The following TRPC7 variants were observed in gnomAD, a reference collection of about 807,000 sequenced individuals.
The protein encoded by TRPC7 is transient receptor potential cation channel subfamily C member 7.
TRPC7 carries 42 observed loss-of-function variants against 90.1 expected under a neutral mutation model. That is an observed-to-expected ratio of 0.47 (90% CI 0.36 to 0.60). The LOEUF (loss-of-function observed/expected upper bound fraction) is 0.60. Among genes scored for constraint, TRPC7 ranks in the 20% least tolerant of loss-of-function variants. The probability of loss-of-function intolerance (pLI) is 0.00; values close to 1 mark genes in which losing one functional copy is unlikely to be tolerated. For missense variants in TRPC7, 955 were observed against 1,112.3 expected, an observed-to-expected ratio of 0.86 and a Z score of 2.01; for synonymous variants, 451 against 436.3, an observed-to-expected ratio of 1.03 and a Z score of -0.42.
At chr5:136,348,312 C>T (rs556308326) in intron 2 of TRPC7, among the ~76,000 whole-genome samples, 1 of 152,230 alleles carries the variant, frequency 6.6e-6, no homozygotes, top group Non-Finnish European at 1.5e-5. Context: ...CCATGTTACT[C>T]ACAATTCTCT....
intron 3 of TRPC7, among the ~76,000 whole-genome samples, chr5:136,300,898 T>C (rs1351755822): frequency 1.3e-5 from 2 of 152,250 alleles, no homozygotes; most frequent in African/African-American, 2.4e-5. Context: ...GAGATCTAGA[T>C]GAACCAAGAG....
chr5:136,226,539 C>T, intron 8 of TRPC7: 1 of 414,772 alleles, frequency 2.4e-6, no homozygotes, highest in Non-Finnish European at 4.3e-6. Flanking sequence ...CCAACATTCT[C>T]CATTTGCAGC....
chr5:136,303,044 C>T (rs1758459500), intron 3 of TRPC7, among the ~76,000 whole-genome samples: 2 of 152,182 alleles, frequency 1.3e-5, no homozygotes, highest in African/African-American at 4.8e-5. Context: ...TATCACCTCC[C>T]CTCCTCACAC....
intron 5 of TRPC7, among the ~76,000 whole-genome samples, chr5:136,256,747 AG>A (rs1230785035): frequency 3.3e-5 from 5 of 152,216 alleles, no homozygotes; most frequent in African/African-American, 7.2e-5. Context: ...ACCAAGATAA[AG>A]TCTAGACTCC....
chr5:136,318,442 A>G (rs947484303), intron 2 of TRPC7, among the ~76,000 whole-genome samples: 8 of 152,250 alleles, frequency 5.3e-5, no homozygotes, highest in Admixed American at 5.2e-4. Flanking sequence ...CCAGAGAGAT[A>G]AAGTAACAGG....
At chr5:136,269,267 C>T (rs914973768) in intron 4 of TRPC7, among the ~76,000 whole-genome samples, 1 of 152,282 alleles carries the variant, frequency 6.6e-6, no homozygotes, top group Admixed American at 6.5e-5. Context: ...CTGGCTCACC[C>T]GAAGCTTCCT....
At chr5:136,292,393 C>G (rs1757989849) in intron 3 of TRPC7, among the ~76,000 whole-genome samples, 1 of 152,028 alleles carries the variant, frequency 6.6e-6, no homozygotes, top group Non-Finnish European at 1.5e-5. Flanking sequence ...TGATAGACCA[C>G]TAGCAAGACT....
intron 5 of TRPC7, among the ~76,000 whole-genome samples, chr5:136,253,947 T>G (rs2149806921): frequency 6.6e-6 from 1 of 152,362 alleles, no homozygotes; most frequent in African/African-American, 2.4e-5. Context: ...TTAAAAGTAC[T>G]ACTCCAGTGA....
At chr5:136,298,007 T>C (rs938777303) in intron 3 of TRPC7, among the ~76,000 whole-genome samples, 2 of 152,236 alleles carry the variant, frequency 1.3e-5, no homozygotes, top group African/African-American at 2.4e-5. Context: ...GAAAATATTT[T>C]TGAGAATCTT....
intron 4 of TRPC7, among the ~76,000 whole-genome samples, chr5:136,274,355 G>A (rs1397524441): frequency 1.3e-5 from 2 of 152,092 alleles, no homozygotes; most frequent in Non-Finnish European, 2.9e-5. Flanking sequence ...TGGGTTTGGA[G>A]GACATGCTTA....
At chr5:136,280,021 A>G (rs180768) in intron 3 of TRPC7, among the ~76,000 whole-genome samples, 50,074 of 151,938 alleles carry the variant, frequency 0.33, 8,636 homozygotes, top group South Asian at 0.5. Context: ...TTAGCTGGGC[A>G]TGGTGGCTGG....
chr5:136,341,714 C>CT (rs1759853527), intron 2 of TRPC7, among the ~76,000 whole-genome samples: 1 of 152,130 alleles, frequency 6.6e-6, no homozygotes, highest in Admixed American at 6.5e-5. Context: ...TATTCCTGTA[C>CT]AACAGTCGCT....
chr5:136,233,860 T>C (rs1279062290), intron 7 of TRPC7, among the ~76,000 whole-genome samples: 2 of 152,186 alleles, frequency 1.3e-5, no homozygotes, highest in Non-Finnish European at 2.9e-5. Context: ...TTTTTCTCAT[T>C]TGCATCTTGC....
rs78733323 is a variant in TRPC7, at chr5:136,228,875, G to A, written c.2040+2479C>T. On this transcript the variant is annotated intron_variant, in intron 8 of 11. Coordinates refer to ENST00000513104, the MANE Select transcript of TRPC7 (RefSeq NM_020389.3). ...GGCTGTAATACACTCTCTGCATGTC[G>A]CGGCCCCTTTCCGTGGTGGGATAAC... 9.1e-3 allele frequency among the ~76,000 whole-genome samples: 1,393 copies of A among 152,264 alleles called. 13 individuals carry two copies. The highest frequency in any genetic ancestry group is 0.032 in the African/African-American group (1,323 of 41,542).
chr5:136,344,166 C>G (rs548705726), intron 2 of TRPC7, among the ~76,000 whole-genome samples: 1 of 152,296 alleles, frequency 6.6e-6, no homozygotes, highest in East Asian at 1.9e-4. Flanking sequence ...CAAACTAACA[C>G]AGGAACAGTA....
intron 9 of TRPC7, among the ~76,000 whole-genome samples, 167 bp downstream of exon 9, chr5:136,225,867 G>A (rs1216559809): frequency 1.3e-5 from 2 of 152,142 alleles, no homozygotes; most frequent in East Asian, 3.9e-4. Context: ...TGCTGGCATT[G>A]GAGCTTTCAG....
intron 7 of TRPC7, among the ~76,000 whole-genome samples, chr5:136,234,045 A>G (rs1482045950): frequency 2.6e-5 from 4 of 152,204 alleles, no homozygotes; most frequent in African/African-American, 4.8e-5. Flanking sequence ...CCCGCAGCTC[A>G]GGACAATTAA....
chr5:136,336,506 G>T (rs889920101), intron 2 of TRPC7, among the ~76,000 whole-genome samples: 5 of 144,340 alleles, frequency 3.5e-5, no homozygotes, highest in Admixed American at 6.9e-5. Context: ...GGAAAGGAAG[G>T]TTTTTTTTTT....
In TRPC7 at chr5:136,238,231, G is replaced by C. The variant is rs376371746; in HGVS notation, c.1845-6682C>G. Among the ~76,000 whole-genome samples the C allele has an allele frequency of 1.4e-4, 21 of 152,246 alleles. No homozygotes were observed. The East Asian group carries it at 2.7e-3, about 20-fold the overall frequency. On this transcript the variant is annotated intron_variant, in intron 7 of 11. Transcript: ENST00000513104. The stretch of plus-strand genomic sequence containing the variant: ...TACAGTGTCTTACTTCCCTAGCTCC[G>C]AGCTCTTAATCTATAACTATCTTAC...
Sources: allele counts gnomAD v4.1 joint callset (sites outside exome capture counted in the v4.1 genomes callset), GRCh38; gene constraint gnomAD v4.1.1; transcripts MANE v1.5; gene names NCBI Gene and HGNC (gene_info 2026-07-23, HGNC 2026-07-21).